The following PSPC1 variants were observed in gnomAD, a reference collection of about 807,000 sequenced individuals.
PSPC1 encodes paraspeckle component 1.
PSPC1 carries 14 observed loss-of-function variants against 51.6 expected under a neutral mutation model. The ratio of observed to expected loss-of-function variants is 0.27; its 90% CI spans 0.18 to 0.42. The LOEUF is 0.42. Ranked by LOEUF, PSPC1 falls within the 10% of genes least tolerant of loss-of-function variation. The pLI, the probability that PSPC1 is intolerant of heterozygous loss-of-function variation, is 1.00. For synonymous variants in PSPC1, 193 were observed against 231.9 expected (o/e 0.83, Z 1.53); for missense variants, 406 against 701.1 (o/e 0.58, Z 4.75).
chr13:19,753,237 T>A (rs1260859489), intron 3 of PSPC1, among the ~76,000 whole-genome samples: 2 of 145,536 alleles, frequency 1.4e-5, no homozygotes, highest in African/African-American at 5.2e-5. Context: ...GAGCCGAGAT[T>A]GTGCCACTGC....
intron 2 of PSPC1, among the ~76,000 whole-genome samples, chr13:19,759,729 G>A (rs978262979): frequency 5.9e-5 from 9 of 152,058 alleles, no homozygotes; most frequent in African/African-American, 2.2e-4. Context: ...GGGCATTGTG[G>A]TGTGTGCCTG....
intron 6 of PSPC1, among the ~76,000 whole-genome samples, chr13:19,719,551 G>A (rs1024588408): frequency 2.0e-5 from 3 of 152,130 alleles, no homozygotes; most frequent in Admixed American, 1.3e-4. Context: ...CAGAAATGGA[G>A]GCAACGACAA....
chr13:19,757,232 G>A (rs147803856), intron 3 of PSPC1, among the ~76,000 whole-genome samples: 17 of 152,032 alleles, frequency 1.1e-4, no homozygotes, highest in Admixed American at 1.0e-3. Flanking sequence ...AACTGAGAAG[G>A]GTCCCTCCAC....
chr13:19,708,362 TAA>T (rs1248225623), intron 7 of PSPC1, among the ~76,000 whole-genome samples: 1 of 152,240 alleles, frequency 6.6e-6, no homozygotes, highest in Non-Finnish European at 1.5e-5. Context: ...TTAAGTTATA[TAA>T]AGATTTTTAG....
At chr13:19,726,193 A>T (rs1168356516) in intron 6 of PSPC1, among the ~76,000 whole-genome samples, 1 of 151,958 alleles carries the variant, frequency 6.6e-6, no homozygotes, top group Non-Finnish European at 1.5e-5. Flanking sequence ...ATCCTATATA[A>T]ATCTTACACC....
At chr13:19,757,360 T>A (rs1367888179) in intron 3 of PSPC1, among the ~76,000 whole-genome samples, 1 of 152,048 alleles carries the variant, frequency 6.6e-6, no homozygotes, top group African/African-American at 2.4e-5. Context: ...ATCAAGAAAC[T>A]ACCCTGCCTC....
intron 8 of PSPC1, among the ~76,000 whole-genome samples, chr13:19,705,436 C>T (rs1880526508): frequency 6.6e-6 from 1 of 151,208 alleles, no homozygotes; most frequent in Non-Finnish European, 1.5e-5. Flanking sequence ...GAGGTTGCAG[C>T]AAGCCAAGAT....
intron 6 of PSPC1, among the ~76,000 whole-genome samples, chr13:19,722,534 C>T (rs2137864086): frequency 6.6e-6 from 1 of 152,268 alleles, no homozygotes; most frequent in African/African-American, 2.4e-5. Context: ...TGGCTCACTC[C>T]TGTAATCCCA....
chr13:19,700,639 TTTA>T (rs1388705234), downstream of PSPC1, among the ~76,000 whole-genome samples: 1 of 152,094 alleles, frequency 6.6e-6, no homozygotes, highest in African/African-American at 2.4e-5. Flanking sequence ...CAGGTGTTCC[TTTA>T]TTTTATACAC....
intron 4 of PSPC1, among the ~76,000 whole-genome samples, chr13:19,749,243 G>A (rs370202123): frequency 1.3e-5 from 2 of 152,212 alleles, no homozygotes; most frequent in East Asian, 3.9e-4. Flanking sequence ...AGCCACTTAG[G>A]AGGCGGAGGC....
chr13:19,732,191 ATTG>A (rs926520911), intron 5 of PSPC1, among the ~76,000 whole-genome samples: 2 of 152,184 alleles, frequency 1.3e-5, no homozygotes, highest in African/African-American at 4.8e-5. Flanking sequence ...CTATTTTAAG[ATTG>A]TTGTCTTACT....
chr13:19,742,047 A>G (rs2138043390), intron 4 of PSPC1, among the ~76,000 whole-genome samples: 1 of 152,226 alleles, frequency 6.6e-6, no homozygotes, highest in East Asian at 1.9e-4. Flanking sequence ...CAGGAGAATC[A>G]CTTGAACCCG....
In PSPC1 at chr13:19,759,286, T is replaced by C. The variant is rs758903198; in HGVS notation, c.770+37A>G. 7 of 1,473,212 alleles carry C rather than the reference T, an allele frequency of 4.8e-6. No individual in the cohort carries two copies. In the East Asian group the frequency reaches 1.1e-4, roughly 24 times the overall value. 91.3% of individuals were successfully genotyped at this position (1,473,212 alleles called of 1,614,324 possible). On this transcript the variant is annotated intron_variant, in intron 3 of 8. Transcript: ENST00000338910. ...AAACAAATGTAATGAACACCCTTAA[T>C]AGTACAGACACAAATTATCTATTAA...
chr13:19,732,336 G>A (rs970449477), intron 5 of PSPC1, among the ~76,000 whole-genome samples: 5 of 152,064 alleles, frequency 3.3e-5, no homozygotes, highest in African/African-American at 4.8e-5. Flanking sequence ...TGTGGGTGGC[G>A]ATGGGAAGAT....
chr13:19,781,304 A>T (rs1889947684), intron 1 of PSPC1, among the ~76,000 whole-genome samples: 1 of 152,080 alleles, frequency 6.6e-6, no homozygotes, highest in Non-Finnish European at 1.5e-5. Flanking sequence ...GGCGCGCACC[A>T]CCACGCCCAG....
At chr13:19,771,506 G>A (rs1888625722) in intron 2 of PSPC1, among the ~76,000 whole-genome samples, 1 of 151,922 alleles carries the variant, frequency 6.6e-6, no homozygotes, top group Admixed American at 6.6e-5. Flanking sequence ...CATGATCTGG[G>A]ATCACTGCAA....
chr13:19,709,013 A>C (rs1219925679), intron 7 of PSPC1, among the ~76,000 whole-genome samples: 3 of 151,948 alleles, frequency 2.0e-5, no homozygotes, highest in Middle Eastern at 3.2e-3. Flanking sequence ...AAATACAAAA[A>C]ATAAGCCAGG....
chr13:19,685,287 C>T (rs112891547), intron 6 of PSPC1, among the ~76,000 whole-genome samples: 2,257 of 152,284 alleles, frequency 0.015, 54 homozygotes, highest in African/African-American at 0.051. Context: ...TCAGAATTCC[C>T]GGCAGTCCCT....
intron 6 of PSPC1, among the ~76,000 whole-genome samples, chr13:19,722,107 C>T (rs188031699): frequency 1.8e-4 from 28 of 152,210 alleles, no homozygotes; most frequent in Admixed American, 1.8e-3. Flanking sequence ...ACATAAAATT[C>T]GTGACCTCGA....
Sources: allele counts gnomAD v4.1 joint callset (sites outside exome capture counted in the v4.1 genomes callset), GRCh38; gene constraint gnomAD v4.1.1; transcripts MANE v1.5; gene names NCBI Gene and HGNC (gene_info 2026-07-23, HGNC 2026-07-21).